SRFBP1: variants seen among roughly 807,000 people sequenced by gnomAD.
SRFBP1 encodes serum response factor-binding protein 1.
Under a neutral mutation model 45.5 loss-of-function variants are expected in SRFBP1, and 47 were observed. That is an observed-to-expected ratio of 1.03 (90% CI 0.82 to 1.32). The LOEUF (loss-of-function observed/expected upper bound fraction) is 1.32, where lower values mean the gene tolerates loss of function less well. Among genes scored for constraint, SRFBP1 ranks in the 40% most tolerant of loss-of-function variants. The probability of loss-of-function intolerance (pLI) is 0.00; values close to 1 mark genes in which losing one functional copy is unlikely to be tolerated. For synonymous variants in SRFBP1, 203 were observed against 166.3 expected (o/e 1.22, Z -1.70); for missense variants, 621 against 484.6 (o/e 1.28, Z -2.64).
At chr5:122,076,155 T>C (rs1243480808), downstream of SRFBP1, 1 of 152,280 alleles carries the variant, frequency 6.6e-6, no homozygotes, top group Non-Finnish European at 1.5e-5. Flanking sequence ...TCACTTCCTT[T>C]AGCCTGACAA....
chr5:122,048,502 T>C (rs2152576381), intron 2 of SRFBP1, among the ~76,000 whole-genome samples: 1 of 152,344 alleles, frequency 6.6e-6, no homozygotes, highest in East Asian at 1.9e-4. Context: ...TGGTCTAAAA[T>C]TCTCTTTTTT....
chr5:122,027,199 T>A lies in SRFBP1; in HGVS notation c.*73T>A. Reference sequence around the variant, plus strand: ...TTTTTAAGACAGGATCTCATTCTGTTGCCCAGACTAGAGTACAATATTGCA... The same window carrying A: ...TTTTTAAGACAGGATCTCATTCTGTAGCCCAGACTAGAGTACAATATTGCA... On this transcript the variant is annotated 3_prime_UTR_variant, in exon 8 of 8. Transcript: ENST00000339397. 2.4e-6 allele frequency: 3 copies of A among 1,240,792 alleles called. No homozygotes were observed. Among genetic ancestry groups the A allele is most frequent in the Non-Finnish European group, 3.4e-6 (3 of 890,792 alleles). 76.9% of individuals were successfully genotyped at this position (1,240,792 alleles called of 1,614,324 possible). A position where few individuals can be genotyped will look rare whatever the true frequency, so the allele number is the denominator to read the frequency against.
intron 3 of SRFBP1, among the ~76,000 whole-genome samples, chr5:121,985,972 C>T (rs2112829705): frequency 6.6e-6 from 1 of 151,884 alleles, no homozygotes. Context: ...GAGAAATTAT[C>T]TTGGCTACAG....
rs55746733 is a variant in SRFBP1, at chr5:122,000,030, G to A, written c.270+5360G>A. On this transcript the variant is annotated intron_variant, in intron 4 of 7. Coordinates refer to ENST00000339397, the MANE Select transcript of SRFBP1 (RefSeq NM_152546.3). ...TTTTGCTTTGTTTTTCTTCTTTTTT[G>A]GTCTGTGAGTTAAATGAGCATCTTA... Among the ~76,000 whole-genome samples, 975 of 151,390 alleles carry A rather than the reference G, an allele frequency of 6.4e-3. 10 individuals are homozygous for A. Among genetic ancestry groups the A allele is most frequent in the African/African-American group, 0.023 (932 of 41,268 alleles).
At chr5:122,042,397 G>A (rs112591114) in intron 2 of SRFBP1, among the ~76,000 whole-genome samples, 1,680 of 152,184 alleles carry the variant, frequency 0.011, 14 homozygotes, top group Middle Eastern at 0.041. Context: ...CTCCTAAGTA[G>A]CTGTGACTAC....
At chr5:122,061,255 T>G (rs1254750530) in intron 2 of SRFBP1, among the ~76,000 whole-genome samples, 4 of 151,830 alleles carry the variant, frequency 2.6e-5, no homozygotes, top group African/African-American at 9.7e-5. Flanking sequence ...TATCGTTAAA[T>G]TTGTCTTTAG....
intron 2 of SRFBP1, 58 bp from the exon 3 acceptor site, chr5:121,975,257 A>G (rs956234604): frequency 1.9e-6 from 3 of 1,540,478 alleles, no homozygotes; most frequent in Admixed American, 1.7e-5. Context: ...TATCCATTAC[A>G]CTATAAGTCT....
At chr5:122,055,702 AC>A (rs1754066081) in intron 2 of SRFBP1, among the ~76,000 whole-genome samples, 1 of 152,244 alleles carries the variant, frequency 6.6e-6, no homozygotes, top group Non-Finnish European at 1.5e-5. Context: ...TGATTTCTCA[AC>A]ATGAAAATGG....
intron 4 of SRFBP1, among the ~76,000 whole-genome samples, chr5:122,003,776 C>T (rs942705599): frequency 6.6e-6 from 1 of 152,060 alleles, no homozygotes; most frequent in Admixed American, 6.5e-5. Flanking sequence ...GGTGATATCT[C>T]GTTACGGTTT....
intron 2 of SRFBP1, among the ~76,000 whole-genome samples, chr5:122,054,931 C>T (rs1189506300): frequency 1.3e-5 from 2 of 152,050 alleles, no homozygotes; most frequent in African/African-American, 4.8e-5. Context: ...TCTGTAATAC[C>T]ACCCAAATCG....
At chr5:122,044,506 G>A (rs995454162) in intron 2 of SRFBP1, among the ~76,000 whole-genome samples, 4 of 151,612 alleles carry the variant, frequency 2.6e-5, no homozygotes, top group Admixed American at 2.6e-4. Flanking sequence ...AACCTTGCCA[G>A]CATCTATTAT....
At chr5:122,077,166 T>C (rs1007289728), downstream of SRFBP1, 2 of 1,463,046 alleles carry the variant, frequency 1.4e-6, no homozygotes, top group Non-Finnish European at 1.8e-6. This position sits in a 1 kb window ranked among gnomAD's most constrained non-coding sequence, Gnocchi z 4.9. Flanking sequence ...TGCAAAGCAA[T>C]GTGAAAAGGA....
At chr5:121,992,206 C>G (rs1267609230) in intron 3 of SRFBP1, among the ~76,000 whole-genome samples, 1 of 152,028 alleles carries the variant, frequency 6.6e-6, no homozygotes, top group East Asian at 1.9e-4. Context: ...GGGCCATATT[C>G]TCTCTGTAGG....
At chr5:122,035,468 G>T (rs1331364806) in intron 2 of SRFBP1, among the ~76,000 whole-genome samples, 2 of 152,142 alleles carry the variant, frequency 1.3e-5, no homozygotes, top group Admixed American at 6.5e-5. Flanking sequence ...TTCCTTCTGT[G>T]CTCTGTCACA....
chr5:122,054,937 A>T (rs1167111596), intron 2 of SRFBP1, among the ~76,000 whole-genome samples: 1 of 152,160 alleles, frequency 6.6e-6, no homozygotes, highest in Non-Finnish European at 1.5e-5. Flanking sequence ...ATACCACCCA[A>T]ATCGTTGTGG....
intron 4 of SRFBP1, among the ~76,000 whole-genome samples, chr5:122,003,777 G>A (rs555698460): frequency 2.6e-5 from 4 of 152,158 alleles, no homozygotes; most frequent in South Asian, 4.2e-4. Context: ...GTGATATCTC[G>A]TTACGGTTTT....
intron 2 of SRFBP1, among the ~76,000 whole-genome samples, chr5:122,057,284 A>G (rs1292476680): frequency 1.3e-5 from 2 of 152,230 alleles, no homozygotes; most frequent in African/African-American, 2.4e-5. Context: ...GAAAGAGCAC[A>G]GCACCTTGAA....
At chr5:122,054,115 G>C (rs904986848) in intron 2 of SRFBP1, among the ~76,000 whole-genome samples, 3 of 152,186 alleles carry the variant, frequency 2.0e-5, no homozygotes, top group African/African-American at 7.2e-5. Flanking sequence ...CTATTAAGCT[G>C]ATACTGATCT....
At chr5:121,970,719 G>C (rs895771206) in intron 1 of SRFBP1, among the ~76,000 whole-genome samples, 1 of 152,064 alleles carries the variant, frequency 6.6e-6, no homozygotes, top group Admixed American at 6.6e-5. Context: ...AATAGACAGT[G>C]TGTATTGCTA....
Sources: allele counts gnomAD v4.1 joint callset (sites outside exome capture counted in the v4.1 genomes callset), GRCh38; gene constraint gnomAD v4.1.1; non-coding constraint Gnocchi (gnomAD v3.1); transcripts MANE v1.5; gene names NCBI Gene and HGNC (gene_info 2026-07-23, HGNC 2026-07-21).